ATG9B: variants seen among roughly 807,000 people sequenced by gnomAD.
The protein encoded by ATG9B is autophagy related 9B, also known as autophagy-related protein 9B.
ATG9B carries 92 observed loss-of-function variants against 92.9 expected under a neutral mutation model. The observed-to-expected ratio is 0.99, with a 90% CI of 0.84 to 1.18. The LOEUF is 1.18. Ranked by LOEUF, ATG9B falls within the 50% of genes most tolerant of loss-of-function variation. The pLI is 0.00. For missense variants in ATG9B, 1,344 were observed against 1,235.0 expected, an observed-to-expected ratio of 1.09 and a Z score of -1.32; for synonymous variants, 599 against 551.4, an observed-to-expected ratio of 1.09 and a Z score of -1.21.
Position 151,018,073 on chromosome 7 carries a change from G to T in ATG9B, c.1873-23C>A. 2.6e-6 allele frequency: 4 copies of T among 1,556,788 alleles called. No individual in the cohort carries two copies. In the South Asian group the frequency reaches 3.6e-5, roughly 14 times the overall value. On this transcript the variant is annotated intron_variant, in intron 7 of 13. Coordinates refer to ENST00000639579, the MANE Select transcript of ATG9B (RefSeq NM_001317056.2). This position sits in a 1 kb window ranked among gnomAD's most constrained non-coding sequence, Gnocchi z 4.7. ...GACCTGGGGAAGCAGCGGTGAGGCTGAGCAGGGGTCGCTGAGGGGCCCACG... is the reference window on the plus strand; with the variant it reads ...GACCTGGGGAAGCAGCGGTGAGGCTTAGCAGGGGTCGCTGAGGGGCCCACG...
Position 151,024,275 on chromosome 7 carries a change from A to G in ATG9B, c.149T>C (p.Ile50Thr), listed in dbSNP as rs1408871013. Residue 50 changes from isoleucine to threonine, a missense_variant, in exon 1 of 14, where the codon ATC becomes ACC. Coordinates refer to ENST00000639579, the MANE Select transcript of ATG9B (RefSeq NM_001317056.2). ...ATGAGGGGCAGGGGACAGAGAGAAG[A>G]TGGAGATCCTCCCTCCCCCAGGTCC... ...CRGPGGGRIS[I>T]FSLSPAPHTR... 7 of 1,440,894 alleles carry G rather than the reference A, an allele frequency of 4.9e-6. No individual in the cohort carries two copies. The highest frequency in any genetic ancestry group is 6.4e-6 in the Non-Finnish European group (7 of 1,093,620). 89.3% of individuals were successfully genotyped at this position (1,440,894 alleles called of 1,614,324 possible).
In ATG9B at chr7:151,017,994, GAAAAGCAGA is replaced by G. The variant is rs1363300823; in HGVS notation, c.1920_1928del (p.Leu641_Phe643del). 6.2e-7 allele frequency: 1 copy of G among 1,604,430 alleles called. No individual in the cohort carries two copies. The highest frequency in any genetic ancestry group is 8.5e-7 in the Non-Finnish European group (1 of 1,175,240). ...TCTCCAGGGCACGAGGGCGGAACCAGAAAAGCAGAAACAGCGGGGTGAGGAGCGGGGACA... is the reference window on the plus strand; with the variant it reads ...TCTCCAGGGCACGAGGGCGGAACCAGAACAGCGGGGTGAGGAGCGGGGACA... On this transcript the variant is annotated inframe_deletion, in exon 8 of 14. Coordinates refer to ENST00000639579, the MANE Select transcript of ATG9B (RefSeq NM_001317056.2).
Position 151,016,754 on chromosome 7 carries a change from G to A in ATG9B, c.2357C>T (p.Ala786Val). 1 of 1,612,992 alleles carries A rather than the reference G, an allele frequency of 6.2e-7. No homozygotes were observed. The highest frequency in any genetic ancestry group is 8.5e-7 in the Non-Finnish European group (1 of 1,179,718). ...LLPPRDLSPT[A>V]PCPAAATASL... ...GGCTGTGGCCGCAGCTGGACAGGGG[G>A]CTGTCGGGCTCAGATCTCTCGGAGG... Residue 786 changes from alanine (A) to valine (V), a missense_variant, in exon 10 of 14, where the codon GCC (alanine) becomes GTC (valine). Coordinates refer to ENST00000639579, the MANE Select transcript of ATG9B (RefSeq NM_001317056.2).
downstream of ATG9B, chr7:151,013,731 T>C: frequency 6.2e-7 from 1 of 1,606,212 alleles, no homozygotes; most frequent in Non-Finnish European, 8.5e-7. Context: ...CAGACCTACG[T>C]GCAGGACATC....
At chr7:151,014,363 G>T (rs1584916620), downstream of ATG9B, 2 of 616,220 alleles carry the variant, frequency 3.2e-6, no homozygotes, top group Non-Finnish European at 5.4e-6. Flanking sequence ...TGTTGCCTCG[G>T]GCCTGGGTCC....
In ATG9B at chr7:151,015,767, T is replaced by G. The variant is rs530113048; in HGVS notation, c.*15-54A>C. 6.6e-6 allele frequency: 9 copies of G among 1,367,508 alleles called. No individual in the cohort carries two copies. In the African/African-American group the frequency reaches 1.3e-4, roughly 20 times the overall value. 84.7% of individuals were successfully genotyped at this position (1,367,508 alleles called of 1,614,324 possible). A position where few individuals can be genotyped will look rare whatever the true frequency, so the allele number is the denominator to read the frequency against. On this transcript the variant is annotated intron_variant, in intron 13 of 13. Coordinates refer to ENST00000639579, the MANE Select transcript of ATG9B (RefSeq NM_001317056.2). ...AGTCCAGGGGTCTAGATTCCAGAGA[T>G]GACCACCTCCCATCACCCCAAATTC...
downstream of ATG9B, chr7:151,014,093 C>A: frequency 6.2e-7 from 1 of 1,613,842 alleles, no homozygotes; most frequent in Non-Finnish European, 8.5e-7. Context: ...CAGAGCTTTT[C>A]CTTGCAGGAG....
intron 12 of ATG9B, 23 bp downstream of exon 12, chr7:151,016,086 C>T (rs1325245683): frequency 6.5e-7 from 1 of 1,540,516 alleles, no homozygotes; most frequent in Non-Finnish European, 8.8e-7. Flanking sequence ...GGCTCTGTCC[C>T]CTGCAGGCCC....
downstream of ATG9B, chr7:151,014,074 A>T (rs1397867146): frequency 6.2e-7 from 1 of 1,613,776 alleles, no homozygotes; most frequent in Non-Finnish European, 8.5e-7. Context: ...GACAAGCCGC[A>T]TACGCACCCA....
intron 5 of ATG9B, chr7:151,019,857 A>T (rs1174079128): frequency 6.5e-6 from 1 of 154,550 alleles, no homozygotes; most frequent in African/African-American, 2.4e-5. Context: ...CACTGTCTCT[A>T]CTAAAAATAC....
In ATG9B at chr7:151,018,634, G is replaced by A. The variant is rs758470634; in HGVS notation, c.1704C>T (p.Thr568=). The change falls in exon 6 of 14, where the codon ACC becomes ACT. Residue 568 remains threonine (T), a synonymous_variant. Transcript: ENST00000639579. The surrounding 1 kb of genome is among the most constrained non-coding windows in gnomAD (Gnocchi z 4.7). ...VLTAMTALGV[T]ATVARSFIPE... is the part of the protein sequence containing the mutation. ...TGCCGTCGCACCTGGCGACGGTGGC[G>A]GTGACCCCGAGCGCGGTCATGGCGG... is the stretch of plus-strand genomic sequence containing the variant. 3 of 1,605,638 alleles carry A rather than the reference G, an allele frequency of 1.9e-6. No homozygotes were observed. The Admixed American group carries it at 5.0e-5, about 27-fold the overall frequency.
chr7:151,015,718 GGGA>G lies in ATG9B; in HGVS notation c.*15-8_*15-6del. 1 of 956,678 alleles carries G rather than the reference GGGA, an allele frequency of 1.0e-6. No individual in the cohort carries two copies. The highest frequency in any genetic ancestry group is 1.4e-6 in the Non-Finnish European group (1 of 691,624). The allele number at this position is 956,678 out of a possible 1,614,324, so 59.3% of individuals were successfully genotyped here. On this transcript the variant is annotated splice_polypyrimidine_tract_variant and splice_region_variant and intron_variant, in intron 13 of 13. Transcript: ENST00000639579. ...TGGCTGCCGAAGCCAGGGTACCTGT[GGGA>G]GGAGACGGCTCTTGGCAAGCAGTCC...
downstream of ATG9B, chr7:151,013,220 G>A (rs201984388): frequency 5.4e-5 from 87 of 1,609,648 alleles, 1 homozygote; most frequent in Non-Finnish European, 2.5e-6. Flanking sequence ...CAAGCGCGGG[G>A]TTGCTTGCAG....
intron 4 of ATG9B, among the ~76,000 whole-genome samples, chr7:151,022,571 G>A (rs971097005): frequency 2.0e-5 from 3 of 151,778 alleles, no homozygotes; most frequent in African/African-American, 4.8e-5. Flanking sequence ...TTAAAAGGCC[G>A]GGCACAGTGG....
downstream of ATG9B, chr7:151,014,465 G>T: frequency 2.3e-6 from 1 of 433,030 alleles, no homozygotes; most frequent in Non-Finnish European, 4.1e-6. Context: ...GATTCCTCTT[G>T]CCTCTCTCAG....
chr7:151,020,734 GCT>G (rs1182906738), intron 5 of ATG9B, among the ~76,000 whole-genome samples: 2 of 152,174 alleles, frequency 1.3e-5, no homozygotes, highest in African/African-American at 2.4e-5. Context: ...GGCTTTGAAG[GCT>G]CTGTTTTAGG....
chr7:151,023,360 A>G, intron 3 of ATG9B, 85 bp downstream of exon 3: 1 of 1,598,626 alleles, frequency 6.3e-7, no homozygotes, highest in Non-Finnish European at 8.6e-7. Context: ...GGATGGAAGC[A>G]GCTGGCACAA....
Position 151,016,840 on chromosome 7 carries a change from G to A in ATG9B, c.2290-19C>T. On this transcript the variant is annotated intron_variant, in intron 9 of 13. Coordinates refer to ENST00000639579, the MANE Select transcript of ATG9B (RefSeq NM_001317056.2). ...CCTCAGGCTGGGTGCAAGAGGAGAG[G>A]GAAAGCCAAAGAGGGAGTCAGAAGA... The A allele has an allele frequency of 6.3e-7, 1 of 1,592,986 alleles. No individual in the cohort carries two copies. Among genetic ancestry groups the A allele is most frequent in the Non-Finnish European group, 8.5e-7 (1 of 1,170,614 alleles).
At position 151,016,502 on chromosome 7, in the gene ATG9B, C is replaced by G; in HGVS notation, c.2449G>C (p.Gly817Arg). The G allele has an allele frequency of 6.4e-7, 1 of 1,551,100 alleles. No individual in the cohort carries two copies. The highest frequency in any genetic ancestry group is 1.2e-5 in the South Asian group (1 of 84,058). Reference protein sequence around the residue: ...PSSVSPGGTGGQKLAQLPELA... With the variant: ...PSSVSPGGTGRQKLAQLPELA... ...TCTGGGAGCTGGGCCAGCTTCTGGC[C>G]CCCAGTGCCTCCTGGGGACACAGAG... is the stretch of plus-strand genomic sequence containing the variant. The change falls in exon 11 of 14, where the codon GGC (glycine) becomes CGC (arginine). Residue 817 changes from glycine (G) to arginine (R), a missense_variant. Physicochemically the swap from Gly to Arg is moderately radical, Grantham distance 125. Coordinates refer to ENST00000639579, the MANE Select transcript of ATG9B (RefSeq NM_001317056.2).
Sources: gnomAD v4.1 joint callset for allele counts (sites outside exome capture counted in the v4.1 genomes callset) on GRCh38, gnomAD v4.1.1 for gene constraint, Gnocchi (gnomAD v3.1) non-coding constraint, MANE v1.5 for transcripts, NCBI Gene and HGNC (gene_info 2026-07-23, HGNC 2026-07-21) for gene names.